The following UBASH3B variants were observed in gnomAD, a reference collection of about 807,000 sequenced individuals.
The protein encoded by UBASH3B is ubiquitin associated and SH3 domain containing B.
Under a neutral mutation model 83.4 loss-of-function variants are expected in UBASH3B, and 37 were observed. That is an observed-to-expected ratio of 0.44 (90% CI 0.34 to 0.58). The LOEUF (loss-of-function observed/expected upper bound fraction) is 0.58, where lower values mean the gene tolerates loss of function less well. UBASH3B is among the 20% of genes least tolerant of loss of function. The pLI is 0.01. For synonymous variants in UBASH3B, 304 were observed against 318.3 expected, an observed-to-expected ratio of 0.96 and a Z score of 0.48; for missense variants, 657 against 827.2, an observed-to-expected ratio of 0.79 and a Z score of 2.52.
chr11:122,725,034 C>A (rs1860707859), intron 1 of UBASH3B, among the ~76,000 whole-genome samples: 1 of 141,980 alleles, frequency 7.0e-6, no homozygotes, highest in Non-Finnish European at 1.5e-5. Flanking sequence ...CTCACTGCAA[C>A]CTCCCACCAC....
At chr11:122,797,329 C>T in intron 9 of UBASH3B, 1 of 244,972 alleles carries the variant, frequency 4.1e-6, no homozygotes, top group Non-Finnish European at 7.9e-6. Flanking sequence ...TAGTTCAAGA[C>T]AGCAGCATCT....
chr11:122,667,332 C>A (rs954581925), intron 1 of UBASH3B, among the ~76,000 whole-genome samples: 1 of 152,086 alleles, frequency 6.6e-6, no homozygotes, highest in African/African-American at 2.4e-5. Context: ...AGATGTGAGC[C>A]GCCGCGCCCA....
chr11:122,668,707 C>T (rs1264886733), intron 1 of UBASH3B, among the ~76,000 whole-genome samples: 2 of 152,084 alleles, frequency 1.3e-5, no homozygotes, highest in African/African-American at 2.4e-5. Flanking sequence ...GTGGCTGCAT[C>T]GAAATGAGGC....
intron 1 of UBASH3B, among the ~76,000 whole-genome samples, chr11:122,660,588 A>G (rs1346001674): frequency 6.6e-6 from 1 of 152,170 alleles, no homozygotes. Flanking sequence ...TTGCACAGCC[A>G]GATCCGATGT....
intron 1 of UBASH3B, among the ~76,000 whole-genome samples, chr11:122,737,200 G>GCT: frequency 6.6e-6 from 1 of 152,304 alleles, no homozygotes; most frequent in South Asian, 2.1e-4. Context: ...GAAATAGGGA[G>GCT]CTACTGGGTT....
intron 1 of UBASH3B, among the ~76,000 whole-genome samples, chr11:122,702,534 T>C (rs1325830586): frequency 6.6e-6 from 1 of 151,970 alleles, no homozygotes; most frequent in African/African-American, 2.4e-5. Flanking sequence ...CCAGGTTTTT[T>C]TTTTTTTCAG....
chr11:122,758,124 G>C lies in UBASH3B; in HGVS notation c.162-18095G>C, dbSNP rs148113516. 6.6e-5 allele frequency among the ~76,000 whole-genome samples: 10 copies of C among 152,208 alleles called. No individual in the cohort carries two copies. In the South Asian group the frequency reaches 1.5e-3, roughly 22 times the overall value. On this transcript the variant is annotated intron_variant, in intron 1 of 13. Coordinates refer to ENST00000284273, the MANE Select transcript of UBASH3B (RefSeq NM_032873.5). The surrounding 1 kb of genome is among the most constrained non-coding windows in gnomAD (Gnocchi z 4.2). ...TGCCAAATTGCCAGATTCCCTGAGC[G>C]CTGGGAACTGAGGCCCAGAAGGAAG... is the stretch of plus-strand genomic sequence containing the variant.
chr11:122,782,183 G>A (rs1251373444), intron 4 of UBASH3B, among the ~76,000 whole-genome samples: 4 of 151,646 alleles, frequency 2.6e-5, no homozygotes, highest in Admixed American at 2.6e-4. Flanking sequence ...GGAGGCTGTG[G>A]TGAGCTATGA....
At chr11:122,772,045 C>T (rs1860654265) in intron 1 of UBASH3B, among the ~76,000 whole-genome samples, 1 of 152,214 alleles carries the variant, frequency 6.6e-6, no homozygotes, top group Non-Finnish European at 1.5e-5. Context: ...CTACCTCAAG[C>T]TAGAAGCTTA....
intron 1 of UBASH3B, among the ~76,000 whole-genome samples, chr11:122,723,149 A>G (rs548564528): frequency 6.6e-6 from 1 of 152,296 alleles, no homozygotes; most frequent in African/African-American, 2.4e-5. Flanking sequence ...TTAATTCAGT[A>G]GGCTTAAGAG....
At chr11:122,699,522 TC>T (rs1864007978) in intron 1 of UBASH3B, among the ~76,000 whole-genome samples, 1 of 94,444 alleles carries the variant, frequency 1.1e-5, no homozygotes, top group Non-Finnish European at 2.1e-5. Flanking sequence ...TCTTTCTCTT[TC>T]TTTCTTTCTC....
At chr11:122,789,665 T>C (rs76694421) in intron 6 of UBASH3B, among the ~76,000 whole-genome samples, 1,976 of 152,186 alleles carry the variant, frequency 0.013, 48 homozygotes, top group African/African-American at 0.044. Flanking sequence ...GTGGTCTGAT[T>C]TCCCGAAGCA....
intron 1 of UBASH3B, among the ~76,000 whole-genome samples, chr11:122,756,130 T>C (rs555599745): frequency 6.6e-6 from 1 of 152,320 alleles, no homozygotes; most frequent in South Asian, 2.1e-4. Context: ...GGGGCAGCAT[T>C]TGAGTGTGGC....
intron 1 of UBASH3B, among the ~76,000 whole-genome samples, chr11:122,748,396 G>A (rs899667180): frequency 1.3e-5 from 2 of 152,150 alleles, no homozygotes; most frequent in African/African-American, 4.8e-5. Flanking sequence ...CCTCCAGTCT[G>A]GTTTCATCCC....
Position 122,809,978 on chromosome 11 carries a change from G to A in UBASH3B, c.*92G>A. The A allele has an allele frequency of 6.9e-7, 1 of 1,439,382 alleles. No homozygotes were observed. The highest frequency in any genetic ancestry group is 2.3e-5 in the East Asian group (1 of 43,822). The allele number at this position is 1,439,382 out of a possible 1,614,324, so 89.2% of individuals were successfully genotyped here. ...GGAAAATCCACACCACACTCTAAGT[G>A]GACAGCTCAGAATAATTTAGCATAT... is the stretch of plus-strand genomic sequence containing the variant. On this transcript the variant is annotated 3_prime_UTR_variant, in exon 14 of 14. Transcript: ENST00000284273.
At position 122,655,753 on chromosome 11, in the gene UBASH3B, A is replaced by C. The variant is rs1863348767; in HGVS notation, c.-297A>C. ...AATTCCCGGACTGCTAGGCGAGGAGAGGGAAGGGGGCGGAGGAGACAGGGC... is the reference window on the plus strand; with the variant it reads ...AATTCCCGGACTGCTAGGCGAGGAGCGGGAAGGGGGCGGAGGAGACAGGGC... On this transcript the variant is annotated 5_prime_UTR_variant, in exon 1 of 14. Transcript: ENST00000284273. 2.9e-6 allele frequency: 1 copy of C among 346,726 alleles called. No individual in the cohort carries two copies. The highest frequency in any genetic ancestry group is 5.2e-6 in the Non-Finnish European group (1 of 192,078). 21.5% of individuals were successfully genotyped at this position (346,726 alleles called of 1,614,324 possible). A position where few individuals can be genotyped will look rare whatever the true frequency, so the allele number is the denominator to read the frequency against.
intron 1 of UBASH3B, among the ~76,000 whole-genome samples, chr11:122,689,114 T>A (rs1863852458): frequency 6.6e-6 from 1 of 152,166 alleles, no homozygotes; most frequent in Non-Finnish European, 1.5e-5. Context: ...GTTGGTTATT[T>A]CTGATGGGCT....
intron 1 of UBASH3B, among the ~76,000 whole-genome samples, chr11:122,725,047 C>G (rs1202251812): frequency 6.9e-6 from 1 of 144,754 alleles, no homozygotes; most frequent in African/African-American, 2.7e-5. Context: ...CCCACCACCC[C>G]CTAACCCCCA....
intron 1 of UBASH3B, among the ~76,000 whole-genome samples, chr11:122,773,160 G>A (rs1860676779): frequency 1.3e-5 from 2 of 152,190 alleles, no homozygotes; most frequent in South Asian, 4.1e-4. Context: ...GGGGTTTAGG[G>A]TCCACTCCGC....
Sources: allele counts gnomAD v4.1 joint callset (sites outside exome capture counted in the v4.1 genomes callset), GRCh38; gene constraint gnomAD v4.1.1; non-coding constraint Gnocchi (gnomAD v3.1); transcripts MANE v1.5; gene names NCBI Gene and HGNC (gene_info 2026-07-23, HGNC 2026-07-21).